FRMPD4: variants seen among roughly 807,000 people sequenced by gnomAD.
The protein encoded by FRMPD4 is FERM and PDZ domain containing 4.
In FRMPD4, 22 loss-of-function variants were observed where a neutral mutation model predicts 94.1. The observed-to-expected ratio is 0.23, with a 90% CI of 0.17 to 0.33. FRMPD4 has a LOEUF of 0.33. Among genes scored for constraint, FRMPD4 ranks in the 10% least tolerant of loss-of-function variants. The pLI, the probability that FRMPD4 is intolerant of heterozygous loss-of-function variation, is 1.00. For missense variants in FRMPD4, 1,111 were observed against 1,339.9 expected (o/e 0.83, Z 2.67); for synonymous variants, 631 against 548.6 (o/e 1.15, Z -2.10).
chrX:12,230,000 C>T (rs1372337624), intron 1 of FRMPD4, among the ~76,000 whole-genome samples: 1 of 111,613 alleles, frequency 9.0e-6, no homozygotes, highest in Non-Finnish European at 1.9e-5. Context: ...TGTCCTCTAC[C>T]ATCCACTGGC....
chrX:12,348,698 C>A (rs1214598086), intron 1 of FRMPD4, among the ~76,000 whole-genome samples: 2 of 109,750 alleles, frequency 1.8e-5, no homozygotes, highest in African/African-American at 6.7e-5. Context: ...CTAATTGAAA[C>A]CAAATGAAAG....
At chrX:12,503,944 T>C (rs184910903) in intron 2 of FRMPD4, among the ~76,000 whole-genome samples, 182 of 112,305 alleles carry the variant, frequency 1.6e-3, no homozygotes, top group African/African-American at 5.6e-3. Flanking sequence ...AAAAAGTTTT[T>C]TAAATGTCAA....
chrX:12,053,594 G>A (rs770706092), intron 3 of FRMPD4, among the ~76,000 whole-genome samples: 35 of 110,648 alleles, frequency 3.2e-4, no homozygotes, highest in Non-Finnish European at 6.1e-4. Context: ...AAGCTCAATC[G>A]AGGCCTGCAC....
intron 1 of FRMPD4, among the ~76,000 whole-genome samples, chrX:12,315,516 G>T (rs181426226): frequency 9.0e-6 from 1 of 111,730 alleles, no homozygotes; most frequent in East Asian, 2.8e-4. Flanking sequence ...AACAGAGGCA[G>T]CCTGGGAAAG....
intron 3 of FRMPD4, among the ~76,000 whole-genome samples, chrX:12,097,195 T>C (rs900911711): frequency 2.7e-5 from 3 of 111,997 alleles, no homozygotes; most frequent in African/African-American, 9.7e-5. Context: ...TGATATCACA[T>C]CTCAGTCTTA....
At chrX:11,826,569 A>G (rs2053444618) in intron 1 of FRMPD4, among the ~76,000 whole-genome samples, 1 of 112,082 alleles carries the variant, frequency 8.9e-6, no homozygotes, top group African/African-American at 3.2e-5. Flanking sequence ...GGGGAACTAC[A>G]TATTCTCTTT....
intron 1 of FRMPD4, among the ~76,000 whole-genome samples, chrX:12,170,486 A>G (rs1296975436): frequency 8.9e-6 from 1 of 111,845 alleles, no homozygotes; most frequent in African/African-American, 3.2e-5. Context: ...GGAGAGAAGA[A>G]AATAAAACTC....
intron 1 of FRMPD4, among the ~76,000 whole-genome samples, chrX:12,316,737 A>AAAAAC (rs1479946861): frequency 9.0e-6 from 1 of 111,024 alleles, no homozygotes; most frequent in Non-Finnish European, 1.9e-5. Flanking sequence ...GTACCATTAA[A>AAAAAC]AAAACAAAAC....
intron 1 of FRMPD4, among the ~76,000 whole-genome samples, chrX:12,360,452 CGTT>C (rs2055967844): frequency 9.0e-6 from 1 of 110,966 alleles, no homozygotes; most frequent in Non-Finnish European, 1.9e-5. Context: ...TTTTCAGCCT[CGTT>C]TTTTTTATAT....
At chrX:12,331,707 A>AATTCTATATT (rs752790229) in intron 1 of FRMPD4, among the ~76,000 whole-genome samples, 1 of 47,117 alleles carries the variant, frequency 2.1e-5, no homozygotes, top group Non-Finnish European at 3.6e-5. Context: ...TAAATATATA[A>AATTCTATATT]TATATAATTT....
At chrX:12,403,159 C>G (rs1393418903) in intron 1 of FRMPD4, among the ~76,000 whole-genome samples, 1 of 111,258 alleles carries the variant, frequency 9.0e-6, no homozygotes, top group Non-Finnish European at 1.9e-5. Context: ...ATAAAATGCA[C>G]CAGTGTCTCC....
At chrX:12,329,989 T>G (rs758381536) in intron 1 of FRMPD4, among the ~76,000 whole-genome samples, 4 of 110,514 alleles carry the variant, frequency 3.6e-5, no homozygotes, top group African/African-American at 9.9e-5. Flanking sequence ...GAATCAGTTC[T>G]ATCTACACAG....
At chrX:12,428,077 T>A (rs1302544615) in intron 1 of FRMPD4, among the ~76,000 whole-genome samples, 1 of 108,446 alleles carries the variant, frequency 9.2e-6, no homozygotes, top group Non-Finnish European at 1.9e-5. Flanking sequence ...GCCCAGCTAA[T>A]TTTTTTTGCA....
intron 1 of FRMPD4, among the ~76,000 whole-genome samples, chrX:12,226,289 C>T (rs1037720299): frequency 9.0e-6 from 1 of 110,630 alleles, no homozygotes; most frequent in Non-Finnish European, 1.9e-5. Context: ...TTTTAAATCA[C>T]AGAAAGCTTA....
chrX:12,106,029 A>G (rs1230772006), intron 3 of FRMPD4, among the ~76,000 whole-genome samples: 1 of 111,754 alleles, frequency 8.9e-6, no homozygotes, highest in Admixed American at 9.5e-5. Flanking sequence ...CTTCAATGAA[A>G]CCTTCACCAC....
intron 3 of FRMPD4, among the ~76,000 whole-genome samples, chrX:11,919,640 G>GA (rs772709527): frequency 9.0e-6 from 1 of 111,209 alleles, no homozygotes. Flanking sequence ...AAGTTTTTGG[G>GA]AAAAAGGCTC....
rs1007843965 is a variant in FRMPD4 at position 12,587,594 on chromosome X, G to A, written c.159-22127G>A. Among the ~76,000 whole-genome samples the A allele has an allele frequency of 4.5e-5, 5 of 110,531 alleles. 1 individual carries two copies. The South Asian group carries it at 1.9e-3, about 43-fold the overall frequency. ...ATTTTCAAGGATCATTCATGTTGTA[G>A]TATGTATCAGTACTTCATTCCTTTT... On this transcript the variant is annotated intron_variant, in intron 2 of 16. Coordinates refer to ENST00000675598, the MANE Select transcript of FRMPD4 (RefSeq NM_001368397.1).
intron 1 of FRMPD4, among the ~76,000 whole-genome samples, chrX:12,256,687 A>C (rs929426924): frequency 1.2e-4 from 13 of 112,152 alleles, no homozygotes; most frequent in African/African-American, 3.6e-4. Context: ...TGGCAAATGC[A>C]AAATCCAGTA....
At chrX:12,711,465 C>A (rs1386320184) in intron 14 of FRMPD4, among the ~76,000 whole-genome samples, 3 of 111,895 alleles carry the variant, frequency 2.7e-5, no homozygotes, top group Non-Finnish European at 5.6e-5. Context: ...AAAAGATCCC[C>A]ACAACGAGGA....
Sources: allele counts gnomAD v4.1 joint callset (sites outside exome capture counted in the v4.1 genomes callset), GRCh38; gene constraint gnomAD v4.1.1; transcripts MANE v1.5; gene names NCBI Gene and HGNC (gene_info 2026-07-23, HGNC 2026-07-21).